The following NRXN2 variants were observed in gnomAD, a reference collection of about 807,000 sequenced individuals.
NRXN2 encodes the protein neurexin-2-beta.
A neutral mutation model predicts 128.8 loss-of-function variants in NRXN2; 29 were observed. The ratio of observed to expected loss-of-function variants is 0.23; its 90% CI spans 0.17 to 0.31. The LOEUF is 0.31. Among genes scored for constraint, NRXN2 ranks in the 10% least tolerant of loss-of-function variants. The probability of loss-of-function intolerance (pLI) is 1.00; values close to 1 mark genes in which losing one functional copy is unlikely to be tolerated. For missense variants in NRXN2, 1,881 were observed against 2,452.6 expected (o/e 0.77, Z 4.92); for synonymous variants, 1,098 against 1,075.2 (o/e 1.02, Z -0.41).
At chr11:64,661,355 G>A (rs968048393) in intron 9 of NRXN2, 21 of 1,445,590 alleles carry the variant, frequency 1.5e-5, no homozygotes, top group East Asian at 2.5e-5. Flanking sequence ...CTTCTGTGAC[G>A]CAGCCCCAGC....
In NRXN2 at chr11:64,607,475, C is replaced by G; in HGVS notation, c.4860G>C (p.Arg1620=). 6.2e-7 allele frequency: 1 copy of G among 1,606,290 alleles called. No individual in the cohort carries two copies. The highest frequency in any genetic ancestry group is 8.5e-7 in the Non-Finnish European group (1 of 1,178,430). The change falls in exon 23 of 23, where the codon CGG becomes CGC. Residue 1620 remains arginine, a synonymous_variant. Coordinates refer to ENST00000265459, the MANE Select transcript of NRXN2 (RefSeq NM_015080.4). The part of the protein sequence containing the change: ...PTANPTGPGE[R]GPPGAVEVIR... ...TCACCTCCACTGCGCCCGGCGGGCC[C>G]CGCTCCCCAGGCCCTGTGGGGTTGG...
chr11:64,658,648 G>A (rs1211345231), intron 11 of NRXN2, among the ~76,000 whole-genome samples: 1 of 152,200 alleles, frequency 6.6e-6, no homozygotes, highest in Non-Finnish European at 1.5e-5. Context: ...CATTTACAAG[G>A]CAATGGGTTC....
At chr11:64,639,499 G>A (rs550423353) in intron 17 of NRXN2, among the ~76,000 whole-genome samples, 9 of 152,258 alleles carry the variant, frequency 5.9e-5, no homozygotes, top group East Asian at 5.8e-4. Context: ...AAATGAACAC[G>A]GTGGGGTGGG....
chr11:64,646,673 A>G (rs1243974509), intron 17 of NRXN2: 1 of 152,280 alleles, frequency 6.6e-6, no homozygotes, highest in African/African-American at 2.4e-5. Context: ...AGGGCCTTGT[A>G]GCAGCAAAAC....
chr11:64,644,723 A>T (rs2046376940), intron 17 of NRXN2, among the ~76,000 whole-genome samples: 1 of 152,018 alleles, frequency 6.6e-6, no homozygotes, highest in South Asian at 2.1e-4. Context: ...GAGCTGAAGA[A>T]ACAGTGCAGC....
At chr11:64,692,727 A>G (rs780033935) in intron 4 of NRXN2, 120 bp downstream of exon 4, 1 of 997,276 alleles carries the variant, frequency 1.0e-6, no homozygotes, top group Non-Finnish European at 1.6e-6. Flanking sequence ...AAAGGAAGGA[A>G]GGTGTCAGGA....
chr11:64,645,455 G>A (rs972867686), intron 17 of NRXN2, among the ~76,000 whole-genome samples: 4 of 152,144 alleles, frequency 2.6e-5, no homozygotes, highest in African/African-American at 7.2e-5. Context: ...GGAATTGACC[G>A]CCTGGGAGAG....
chr11:64,607,144 T>C lies in NRXN2; in HGVS notation c.*52A>G. On this transcript the variant is annotated 3_prime_UTR_variant, in exon 23 of 23. Transcript: ENST00000265459. Reference sequence around the variant, plus strand: ...TGGCAGGGAGAGGGTGGCACCCTCCTCCCGGGCCCTCCCAGGAGGGGCAGC... The same window carrying C: ...TGGCAGGGAGAGGGTGGCACCCTCCCCCCGGGCCCTCCCAGGAGGGGCAGC... 2 of 1,585,106 alleles carry C rather than the reference T, an allele frequency of 1.3e-6. No individual in the cohort carries two copies. Among genetic ancestry groups the C allele is most frequent in the Non-Finnish European group, 1.7e-6 (2 of 1,162,520 alleles).
Position 64,648,767 on chromosome 11 carries a change from G to A in NRXN2, c.3250C>T (p.His1084Tyr), listed in dbSNP as rs142927180. ...RLPDLIADAL[H>Y]RIGQVERGCD... ...CCCCTCTCCACCTGCCCAATGCGGT[G>A]CAGGGCGTCGGCGATGAGGTCTGGG... The change falls in exon 16 of 23, where the codon CAC becomes TAC. Residue 1084 changes from histidine (H) to tyrosine (Y), a missense_variant. His to Tyr is a moderately conservative substitution (Grantham distance 83). Coordinates refer to ENST00000265459, the MANE Select transcript of NRXN2 (RefSeq NM_015080.4). This position sits in a 1 kb window ranked among gnomAD's most constrained non-coding sequence, Gnocchi z 4.1. 3.5e-4 allele frequency: 563 copies of A among 1,614,142 alleles called. No homozygotes were observed. Among genetic ancestry groups the A allele is most frequent in the Admixed American group, 8.3e-4 (50 of 60,028 alleles).
At chr11:64,710,727 G>T (rs1014312325) in intron 2 of NRXN2, among the ~76,000 whole-genome samples, 4 of 152,128 alleles carry the variant, frequency 2.6e-5, no homozygotes, top group African/African-American at 7.2e-5. Context: ...CTGTCTTACT[G>T]AGGCCTCACG....
chr11:64,676,708 G>A, intron 7 of NRXN2: 1 of 540,794 alleles, frequency 1.8e-6, no homozygotes, highest in Non-Finnish European at 3.3e-6. Flanking sequence ...AGGTCTCTCT[G>A]GCCAGGAATC....
chr11:64,606,922 A>C lies in NRXN2; in HGVS notation c.*274T>G. 2.3e-6 allele frequency: 1 copy of C among 437,946 alleles called. No homozygotes were observed. Among genetic ancestry groups the C allele is most frequent in the African/African-American group, 1.9e-5 (1 of 51,378 alleles). 27.1% of individuals were successfully genotyped at this position (437,946 alleles called of 1,614,324 possible). A position where few individuals can be genotyped will look rare whatever the true frequency, so the allele number is the denominator to read the frequency against. ...ATAAAACTACCCCCTTAAAAAAATA[A>C]ATCAACCCAGGGCTGTGAGCACGTG... On this transcript the variant is annotated 3_prime_UTR_variant, in exon 23 of 23. Transcript: ENST00000265459.
chr11:64,648,713 A>C lies in NRXN2; in HGVS notation c.3283+21T>G, dbSNP rs773218118. On this transcript the variant is annotated intron_variant, in intron 16 of 22. Coordinates refer to ENST00000265459, the MANE Select transcript of NRXN2 (RefSeq NM_015080.4). This position sits in a 1 kb window ranked among gnomAD's most constrained non-coding sequence, Gnocchi z 4.1. ...CCTGTAGCCAGTAGGGCCACACCTC[A>C]CTCCTCCACCCTCCACTCACCATCA... is the stretch of plus-strand genomic sequence containing the variant. The C allele has an allele frequency of 6.2e-7, 1 of 1,611,588 alleles. No homozygotes were observed. The highest frequency in any genetic ancestry group is 1.3e-5 in the African/African-American group (1 of 74,492).
rs2043664170 is a variant in NRXN2 at position 64,630,151 on chromosome 11, C to T, written c.3757+251G>A. 6.6e-6 allele frequency among the ~76,000 whole-genome samples: 1 copy of T among 152,052 alleles called. No individual in the cohort carries two copies. ...GCCTTGCAACCTTCCCAGCTCAGCC[C>T]TGCACCCTCCCCCATAGGGGGCGCA... On this transcript the variant is annotated intron_variant, in intron 19 of 22. Coordinates refer to ENST00000265459, the MANE Select transcript of NRXN2 (RefSeq NM_015080.4). This position sits in a 1 kb window ranked among gnomAD's most constrained non-coding sequence, Gnocchi z 4.6.
Position 64,660,386 on chromosome 11 carries a change from C to T in NRXN2, c.2335G>A (p.Asp779Asn), listed in dbSNP as rs1331785331. 5.6e-6 allele frequency: 9 copies of T among 1,614,010 alleles called. No individual in the cohort carries two copies. Among genetic ancestry groups the T allele is most frequent in the Non-Finnish European group, 7.6e-6 (9 of 1,180,036 alleles). ...MMATTSRESADTLRLELDGGQ... is the reference protein window; with the variant it reads ...MMATTSRESANTLRLELDGGQ... ...CCATCCAGCTCCAGGCGTAGGGTGT[C>T]GGCAGACTCCCTGGAAGTGGTGGCC... Residue 779 changes from aspartate to asparagine, a missense_variant, in exon 11 of 23, where the codon GAC (aspartate) becomes AAC (asparagine). Around this residue, in one of 7 missense-constraint regions of NRXN2, gnomAD observed 997 missense variants for 1,240.8 expected, o/e 0.80. Coordinates refer to ENST00000265459, the MANE Select transcript of NRXN2 (RefSeq NM_015080.4). The surrounding 1 kb of genome is among the most constrained non-coding windows in gnomAD (Gnocchi z 5.2).
Position 64,685,736 on chromosome 11 carries a change from T to A in NRXN2, c.1062A>T (p.Ser354=). Reference sequence around the variant, plus strand: ...GTTCCACAAGGGCCTCGAAGGCACCTGAGCCTAGGTTGATGACCAGCCAGA... The same window carrying A: ...GTTCCACAAGGGCCTCGAAGGCACCAGAGCCTAGGTTGATGACCAGCCAGA... ...GAVWLVINLG[S]GAFEALVEPV... Residue 354 remains serine, a synonymous_variant, in exon 6 of 23, where the codon TCA becomes TCT. Coordinates refer to ENST00000265459, the MANE Select transcript of NRXN2 (RefSeq NM_015080.4). 6.2e-7 allele frequency: 1 copy of A among 1,614,216 alleles called. No individual in the cohort carries two copies. The highest frequency in any genetic ancestry group is 8.5e-7 in the Non-Finnish European group (1 of 1,180,040).
chr11:64,661,335 G>A (rs2049001100), intron 9 of NRXN2, 196 bp from the exon 10 acceptor site: 5 of 1,461,882 alleles, frequency 3.4e-6, no homozygotes, highest in South Asian at 2.8e-5. Flanking sequence ...AAGGCCCCCA[G>A]GCTCAGAGGC....
chr11:64,693,082 C>T (rs961201065), intron 3 of NRXN2, among the ~76,000 whole-genome samples: 1 of 151,598 alleles, frequency 6.6e-6, no homozygotes. Flanking sequence ...AGGAGAGGGG[C>T]CCGATGCCGA....
chr11:64,673,545 G>C (rs1004992004), intron 7 of NRXN2, among the ~76,000 whole-genome samples: 1 of 152,182 alleles, frequency 6.6e-6, no homozygotes, highest in Non-Finnish European at 1.5e-5. Flanking sequence ...AGGTCTATGA[G>C]GCCACCAAAA....
Sources: allele counts gnomAD v4.1 joint callset (sites outside exome capture counted in the v4.1 genomes callset), GRCh38; gene constraint gnomAD v4.1.1; regional missense constraint gnomAD v4.1.1; non-coding constraint Gnocchi (gnomAD v3.1); transcripts MANE v1.5; gene names NCBI Gene and HGNC (gene_info 2026-07-23, HGNC 2026-07-21).